RAB30: variants seen among roughly 807,000 people sequenced by gnomAD.
RAB30 encodes ras-related protein Rab-30.
In RAB30, 9 loss-of-function variants were observed where a neutral mutation model predicts 25.1. The ratio of observed to expected loss-of-function variants is 0.36; its 90% CI spans 0.22 to 0.63. RAB30 has a LOEUF of 0.63. Ranked by LOEUF, RAB30 falls within the 20% of genes least tolerant of loss-of-function variation. The probability of loss-of-function intolerance (pLI) is 0.69; values close to 1 mark genes in which losing one functional copy is unlikely to be tolerated. For synonymous variants in RAB30, 77 were observed against 86.4 expected, an observed-to-expected ratio of 0.89 and a Z score of 0.60; for missense variants, 140 against 243.5, an observed-to-expected ratio of 0.58 and a Z score of 2.83.
chr11:82,998,649 C>T (rs1176009820), intron 1 of RAB30, among the ~76,000 whole-genome samples: 2 of 149,940 alleles, frequency 1.3e-5, no homozygotes, highest in Admixed American at 1.3e-4. Context: ...GTTATCACCA[C>T]AGGAAATACA....
intron 1 of RAB30, among the ~76,000 whole-genome samples, chr11:83,055,394 G>A (rs1393007593): frequency 6.6e-6 from 1 of 152,190 alleles, no homozygotes; most frequent in Non-Finnish European, 1.5e-5. Flanking sequence ...TCTGTTCCTT[G>A]CAAGGACTGG....
chr11:83,015,895 T>G (rs1857425026), intron 1 of RAB30, among the ~76,000 whole-genome samples: 1 of 152,150 alleles, frequency 6.6e-6, no homozygotes, highest in Non-Finnish European at 1.5e-5. Flanking sequence ...CTCAACACTT[T>G]GGGAGAATGA....
In RAB30 at chr11:82,975,022, A is replaced by G. The variant is rs573804212; in HGVS notation, c.*7143T>C. The G allele has an allele frequency of 1.1e-3, 168 of 147,006 alleles. No individual in the cohort carries two copies. The highest frequency in any genetic ancestry group is 3.9e-3 in the African/African-American group (155 of 39,774). The allele number at this position is 147,006 out of a possible 1,614,324, so 9.1% of individuals were successfully genotyped here. ...AAATACATTTATGTAGCTCCCTTATATACTATCAAAGGAGCTCCAACCATC... is the reference window on the plus strand; with the variant it reads ...AAATACATTTATGTAGCTCCCTTATGTACTATCAAAGGAGCTCCAACCATC... On this transcript the variant is annotated 3_prime_UTR_variant, in exon 5 of 5. Coordinates refer to ENST00000527633, the MANE Select transcript of RAB30 (RefSeq NM_001286060.2).
chr11:83,000,032 T>G (rs1383014246), intron 1 of RAB30, among the ~76,000 whole-genome samples: 2 of 152,112 alleles, frequency 1.3e-5, no homozygotes, highest in Non-Finnish European at 2.9e-5. Context: ...CATCATCTCA[T>G]TCTATATTAT....
chr11:83,015,792 G>T (rs1201370309), intron 1 of RAB30, among the ~76,000 whole-genome samples: 1 of 152,168 alleles, frequency 6.6e-6, no homozygotes, highest in Non-Finnish European at 1.5e-5. Context: ...GAGTGTCAAA[G>T]AAAATGGTGA....
At chr11:83,008,808 C>A (rs967363668) in intron 1 of RAB30, among the ~76,000 whole-genome samples, 1 of 152,146 alleles carries the variant, frequency 6.6e-6, no homozygotes, top group Non-Finnish European at 1.5e-5. Flanking sequence ...AGCTCTCCCC[C>A]ACCCAGCCTA....
intron 1 of RAB30, among the ~76,000 whole-genome samples, chr11:83,016,250 G>C (rs1336409395): frequency 6.6e-6 from 1 of 152,146 alleles, no homozygotes; most frequent in Non-Finnish European, 1.5e-5. Flanking sequence ...GAGAGAAAGA[G>C]ATTAGAATTG....
At position 82,984,324 on chromosome 11, in the gene RAB30, C is replaced by T. The variant is rs76994494; in HGVS notation, c.362-1909G>A. On this transcript the variant is annotated intron_variant, in intron 4 of 4. Transcript: ENST00000527633. ...GTGGAGTTGTTATAATAGATTTAGTCTCCTATGGGGTATTGAGGCTGCTAG... is the reference window on the plus strand; with the variant it reads ...GTGGAGTTGTTATAATAGATTTAGTTTCCTATGGGGTATTGAGGCTGCTAG... Among the ~76,000 whole-genome samples the T allele has an allele frequency of 4.1e-3, 622 of 152,314 alleles. 1 individual carries two copies. The highest frequency in any genetic ancestry group is 0.014 in the African/African-American group (598 of 41,568).
At chr11:83,060,771 T>A (rs1403946983) in intron 1 of RAB30, among the ~76,000 whole-genome samples, 1 of 152,168 alleles carries the variant, frequency 6.6e-6, no homozygotes, top group African/African-American at 2.4e-5. Context: ...AAAGCATTAT[T>A]TGGGGGTGTG....
chr11:83,003,666 G>A (rs1034916637), intron 1 of RAB30, among the ~76,000 whole-genome samples: 4 of 151,752 alleles, frequency 2.6e-5, no homozygotes, highest in East Asian at 2.0e-4. Flanking sequence ...GGTGATCCAC[G>A]CACCTCAGCC....
intron 2 of RAB30, among the ~76,000 whole-genome samples, chr11:82,994,362 G>T (rs959199813): frequency 2.0e-5 from 3 of 152,108 alleles, no homozygotes; most frequent in Admixed American, 6.6e-5. Flanking sequence ...GAAAGAGACA[G>T]GAGGACAGAG....
At chr11:83,012,002 A>G (rs946576529) in intron 1 of RAB30, among the ~76,000 whole-genome samples, 11 of 152,190 alleles carry the variant, frequency 7.2e-5, no homozygotes, top group African/African-American at 2.7e-4. Flanking sequence ...GGGGAGGCTG[A>G]GTCTGTTGTC....
At chr11:83,014,213 A>G (rs751280586) in intron 1 of RAB30, among the ~76,000 whole-genome samples, 1 of 152,234 alleles carries the variant, frequency 6.6e-6, no homozygotes, top group Non-Finnish European at 1.5e-5. Context: ...CTGTCACAGA[A>G]GTTCTCTCTG....
intron 1 of RAB30, among the ~76,000 whole-genome samples, chr11:83,000,565 C>G (rs1857056417): frequency 6.6e-6 from 1 of 152,188 alleles, no homozygotes; most frequent in South Asian, 2.1e-4. Flanking sequence ...AAACAGGAAA[C>G]ACAGGACTGG....
At chr11:83,001,322 C>T (rs978647555) in intron 1 of RAB30, among the ~76,000 whole-genome samples, 1 of 152,104 alleles carries the variant, frequency 6.6e-6, no homozygotes, top group African/African-American at 2.4e-5. Context: ...ATTACAGACA[C>T]AAGCCACTGT....
intron 1 of RAB30, among the ~76,000 whole-genome samples, chr11:83,051,463 C>T (rs1858355498): frequency 6.6e-6 from 1 of 152,028 alleles, no homozygotes. Context: ...GGGTTGCTTC[C>T]GTCCATAACT....
intron 1 of RAB30, among the ~76,000 whole-genome samples, chr11:83,033,157 C>T (rs541383766): frequency 2.7e-5 from 4 of 149,284 alleles, no homozygotes; most frequent in South Asian, 2.1e-4. Flanking sequence ...CTCTGCTTTC[C>T]GGGTTCAAGT....
At chr11:83,011,328 C>T (rs1857298683) in intron 1 of RAB30, among the ~76,000 whole-genome samples, 1 of 152,114 alleles carries the variant, frequency 6.6e-6, no homozygotes, top group Non-Finnish European at 1.5e-5. Context: ...AAAGCAGTTA[C>T]AAAATCATTT....
chr11:82,991,506 C>CAA (rs35298951), intron 3 of RAB30, among the ~76,000 whole-genome samples: 6,183 of 65,116 alleles, frequency 0.095, 394 homozygotes, highest in Non-Finnish European at 0.11. Flanking sequence ...GACCCTTTCT[C>CAA]AAAAAAAAAA....
Sources: allele counts gnomAD v4.1 joint callset (sites outside exome capture counted in the v4.1 genomes callset), GRCh38; gene constraint gnomAD v4.1.1; transcripts MANE v1.5; gene names NCBI Gene and HGNC (gene_info 2026-07-23, HGNC 2026-07-21).